Variants in HELZ observed in about 807,000 individuals in gnomAD.
HELZ encodes the protein helicase with zinc finger.
A neutral mutation model predicts 218.2 loss-of-function variants in HELZ; 23 were observed. The ratio of observed to expected loss-of-function variants is 0.11; its 90% CI spans 0.08 to 0.15. The LOEUF (loss-of-function observed/expected upper bound fraction) is 0.15. Ranked by LOEUF, HELZ falls within the 10% of genes least tolerant of loss-of-function variation. The pLI is 1.00. For synonymous variants in HELZ, 814 were observed against 829.4 expected, an observed-to-expected ratio of 0.98 and a Z score of 0.32; for missense variants, 1,813 against 2,353.7, an observed-to-expected ratio of 0.77 and a Z score of 4.75.
At chr17:67,080,862 A>G (rs2036167287) in intron 32 of HELZ, among the ~76,000 whole-genome samples, 1 of 152,186 alleles carries the variant, frequency 6.6e-6, no homozygotes, top group South Asian at 2.1e-4. Context: ...AGGAGGGCAC[A>G]GGAGAGACTA....
At chr17:67,240,311 C>A (rs2041286184) in intron 2 of HELZ, among the ~76,000 whole-genome samples, 1 of 152,172 alleles carries the variant, frequency 6.6e-6, no homozygotes, top group Admixed American at 6.5e-5. Flanking sequence ...ATAGAGAGGT[C>A]TTCCAAAAGC....
intron 3 of HELZ, among the ~76,000 whole-genome samples, chr17:67,221,193 C>T (rs1398877126): frequency 6.6e-6 from 1 of 152,112 alleles, no homozygotes; most frequent in Non-Finnish European, 1.5e-5. Context: ...TGCTGTGGGC[C>T]ATTCTGTGCA....
At chr17:67,240,700 A>C (rs1396452715) in intron 2 of HELZ, among the ~76,000 whole-genome samples, 2 of 152,218 alleles carry the variant, frequency 1.3e-5, no homozygotes, top group African/African-American at 4.8e-5. Context: ...GCATTCTTTG[A>C]AGAACCTGAC....
intron 13 of HELZ, among the ~76,000 whole-genome samples, chr17:67,171,703 T>G (rs1229537389): frequency 6.6e-6 from 1 of 152,214 alleles, no homozygotes; most frequent in Non-Finnish European, 1.5e-5. Flanking sequence ...TCATTTACCC[T>G]GTCCCCACCA....
intron 3 of HELZ, among the ~76,000 whole-genome samples, chr17:67,222,795 T>C (rs1196213523): frequency 6.6e-6 from 1 of 152,204 alleles, no homozygotes; most frequent in Non-Finnish European, 1.5e-5. Flanking sequence ...CTATGGATAA[T>C]ACGCAGTGAG....
In HELZ at chr17:67,079,486, T is replaced by C. The variant is rs570920928; in HGVS notation, c.5495-900A>G. Among the ~76,000 whole-genome samples the C allele has an allele frequency of 2.0e-5, 3 of 152,360 alleles. No homozygotes were observed. The South Asian group carries it at 6.2e-4, about 32-fold the overall frequency. On this transcript the variant is annotated intron_variant, in intron 32 of 32. Transcript: ENST00000358691. Reference sequence around the variant, plus strand: ...TCTAGACCGTGATGTTCCAGGTCAATATTTCTAAATATTCACGGCTCCTTC... The same window carrying C: ...TCTAGACCGTGATGTTCCAGGTCAACATTTCTAAATATTCACGGCTCCTTC...
At position 67,071,334 on chromosome 17, in the gene HELZ, TAA is replaced by T. The variant is rs779711948; in HGVS notation, c.*6916_*6917del. ...GAGCCCTCTGACCTACTGAAAGATATAAAGAGGTCTTCGCATACAAGTTATCG... is the reference window on the plus strand; with the variant it reads ...GAGCCCTCTGACCTACTGAAAGATATAGAGGTCTTCGCATACAAGTTATCG... On this transcript the variant is annotated 3_prime_UTR_variant, in exon 33 of 33. Coordinates refer to ENST00000358691, the MANE Select transcript of HELZ (RefSeq NM_014877.4). 3 of 152,568 alleles carry T rather than the reference TAA, an allele frequency of 2.0e-5. No homozygotes were observed. In the South Asian group the frequency reaches 6.2e-4, roughly 32 times the overall value. The allele number at this position is 152,568 out of a possible 1,614,324, so 9.5% of individuals were successfully genotyped here.
chr17:67,243,896 GCAAA>G lies in HELZ; in HGVS notation c.-131-61_-131-58del, dbSNP rs1315670312. On this transcript the variant is annotated intron_variant, in intron 1 of 32. Transcript: ENST00000358691. ...ACACCAGTAACAGACATTATCAGTAGCAAACATTTTATCAGCCTGAAGTGAAAGG... is the reference window on the plus strand; with the variant it reads ...ACACCAGTAACAGACATTATCAGTAGCATTTTATCAGCCTGAAGTGAAAGG... 1.6e-5 allele frequency: 10 copies of G among 619,248 alleles called. No homozygotes were observed. In the African/African-American group the frequency reaches 2.0e-4, roughly 12 times the overall value. The allele number at this position is 619,248 out of a possible 1,614,324, so 38.4% of individuals were successfully genotyped here.
rs1268826213 is a variant in HELZ, at chr17:67,074,814, G to T, written c.*3438C>A. On this transcript the variant is annotated 3_prime_UTR_variant, in exon 33 of 33. Coordinates refer to ENST00000358691, the MANE Select transcript of HELZ (RefSeq NM_014877.4). ...GCAGTTCTCTGAACTGAAAAGACCA[G>T]TTGATGTTTACATTAAACCTAAACT... The T allele has an allele frequency of 6.6e-6, 1 of 151,354 alleles. No individual in the cohort carries two copies. The highest frequency in any genetic ancestry group is 1.5e-5 in the Non-Finnish European group (1 of 67,906). 9.4% of individuals were successfully genotyped at this position (151,354 alleles called of 1,614,324 possible).
At chr17:67,176,253 T>C (rs2039453875) in intron 13 of HELZ, 1 of 152,240 alleles carries the variant, frequency 6.6e-6, no homozygotes, top group Non-Finnish European at 1.5e-5. Flanking sequence ...CTATAAAAAA[T>C]TAGAATGGCA....
chr17:67,131,507 G>GT (rs201189286), intron 23 of HELZ, among the ~76,000 whole-genome samples: 1,670 of 151,420 alleles, frequency 0.011, 20 homozygotes, highest in South Asian at 0.018. Context: ...AGTTAATCAA[G>GT]TTAAACTGGC....
At chr17:67,216,062 G>A (rs570225768) in intron 4 of HELZ, 127 bp from the exon 5 acceptor site, 142 of 683,368 alleles carry the variant, frequency 2.1e-4, no homozygotes, top group Admixed American at 6.9e-4. Context: ...ACTATTCACA[G>A]AGCAAAGCTA....
upstream of HELZ, chr17:67,245,258 C>CCCGCCGCCGGCGCCG (rs1336441433): frequency 6.2e-6 from 6 of 972,686 alleles, no homozygotes; most frequent in African/African-American, 1.8e-5. Flanking sequence ...ACTCCCGCCT[C>CCCGCCGCCGGCGCCG]CCGCCGCCGG....
At chr17:67,122,884 T>C (rs2037659131) in intron 26 of HELZ, 86 bp downstream of exon 26, 2 of 959,694 alleles carry the variant, frequency 2.1e-6, no homozygotes, top group Admixed American at 4.7e-5. Context: ...AAAAAGAAGT[T>C]GGTAGAATGC....
At position 67,178,634 on chromosome 17, in the gene HELZ, T is replaced by A. The variant is rs780327332; in HGVS notation, c.1430+25A>T. The A allele has an allele frequency of 2.5e-6, 4 of 1,580,992 alleles. No homozygotes were observed. The East Asian group carries it at 9.0e-5, about 36-fold the overall frequency. ...CCATCCAAAGGGGAGATTTTTTGTT[T>A]TAAAGTGTTTCTAAAGTAACTTACT... is the stretch of plus-strand genomic sequence containing the variant. On this transcript the variant is annotated intron_variant, in intron 13 of 32. Transcript: ENST00000358691.
chr17:67,191,231 T>C (rs2039887382), intron 9 of HELZ, among the ~76,000 whole-genome samples: 1 of 152,220 alleles, frequency 6.6e-6, no homozygotes, highest in Non-Finnish European at 1.5e-5. Flanking sequence ...ATTACCTATA[T>C]TTCAGTGAAA....
chr17:67,232,985 T>G (rs149229525), intron 3 of HELZ, among the ~76,000 whole-genome samples: 102 of 152,220 alleles, frequency 6.7e-4, no homozygotes, highest in African/African-American at 2.4e-3. Context: ...AATACAAAAA[T>G]TAGCTGGGCA....
intron 3 of HELZ, among the ~76,000 whole-genome samples, chr17:67,238,489 C>T (rs945755942): frequency 1.3e-5 from 2 of 152,116 alleles, no homozygotes; most frequent in African/African-American, 4.8e-5. Flanking sequence ...TGAGGCCAGC[C>T]TGGCCAACAT....
chr17:67,112,747 T>C (rs1159254754), intron 28 of HELZ, among the ~76,000 whole-genome samples: 2 of 152,172 alleles, frequency 1.3e-5, no homozygotes, highest in Non-Finnish European at 2.9e-5. Context: ...TAAGAAACCA[T>C]AGAATGCAAG....
Sources: allele counts gnomAD v4.1 joint callset (sites outside exome capture counted in the v4.1 genomes callset), GRCh38; gene constraint gnomAD v4.1.1; transcripts MANE v1.5; gene names NCBI Gene and HGNC (gene_info 2026-07-23, HGNC 2026-07-21).